FAM120AOS: variants seen among roughly 807,000 people sequenced by gnomAD.
FAM120AOS encodes the protein uncharacterized protein FAM120AOS.
In FAM120AOS, 15 loss-of-function variants were observed where a neutral mutation model predicts 20.2. That is an observed-to-expected ratio of 0.74 (90% CI 0.50 to 1.15). The LOEUF is 1.15. FAM120AOS is among the 50% of genes most tolerant of loss of function. The pLI is 0.00. For missense variants in FAM120AOS, 327 were observed against 351.9 expected, an observed-to-expected ratio of 0.93 and a Z score of 0.57; for synonymous variants, 154 against 154.0, an observed-to-expected ratio of 1.00 and a Z score of 0.00.
At chr9:93,449,059 GT>G (rs141231806) in intron 2 of FAM120AOS, among the ~76,000 whole-genome samples, 54,154 of 142,536 alleles carry the variant, frequency 0.38, 9,895 homozygotes, top group East Asian at 0.53. Context: ...AATAAATAAA[GT>G]TTTTTTTTTT....
In FAM120AOS at chr9:93,446,460, C is replaced by T. The variant is rs754647050; in HGVS notation, c.*1151G>A. ...ACATCTTAAAATGGCTTTATACTTA[C>T]GGGAATTCCTAATTAAAAAAAAAAC... On this transcript the variant is annotated 3_prime_UTR_variant, in exon 3 of 3. Coordinates refer to ENST00000375412, the MANE Select transcript of FAM120AOS (RefSeq NM_198841.4). 6 of 151,810 alleles carry T rather than the reference C, an allele frequency of 4.0e-5. No individual in the cohort carries two copies. Among genetic ancestry groups the T allele is most frequent in the African/African-American group, 9.7e-5 (4 of 41,256 alleles). 9.4% of individuals were successfully genotyped at this position (151,810 alleles called of 1,614,324 possible). A position where few individuals can be genotyped will look rare whatever the true frequency, so the allele number is the denominator to read the frequency against.
chr9:93,451,088 C>G (rs1469865078), intron 1 of FAM120AOS: 19 of 1,550,634 alleles, frequency 1.2e-5, no homozygotes, highest in Non-Finnish European at 1.6e-5. Context: ...GGATGAGCAC[C>G]TGCCGCGGAA....
In FAM120AOS at chr9:93,444,673, G is replaced by A. The variant is rs2131118534; in HGVS notation, c.*2938C>T. On this transcript the variant is annotated 3_prime_UTR_variant, in exon 3 of 3. Coordinates refer to ENST00000375412, the MANE Select transcript of FAM120AOS (RefSeq NM_198841.4). The stretch of plus-strand genomic sequence containing the variant: ...CTTGTTGCCCAGGCTGGAGTGCAAT[G>A]GTGCGATCTCGGCTCACCGCAACCT... 6.6e-6 allele frequency among the ~76,000 whole-genome samples: 1 copy of A among 151,488 alleles called. No individual in the cohort carries two copies. The highest frequency in any genetic ancestry group is 6.6e-5 in the Admixed American group (1 of 15,216).
At chr9:93,451,532 C>T in intron 1 of FAM120AOS, 1 of 991,146 alleles carries the variant, frequency 1.0e-6, no homozygotes, top group Non-Finnish European at 1.2e-6. Context: ...GCCTCCGCCT[C>T]CGCCGCCGCC....
rs1856909952 is a variant in FAM120AOS at position 93,447,800 on chromosome 9, C to G, written c.685-103G>C. The G allele has an allele frequency of 1.4e-5, 13 of 950,098 alleles. 1 individual carries two copies. The South Asian group carries it at 1.9e-4, about 14-fold the overall frequency. The allele number at this position is 950,098 out of a possible 1,614,324, so 58.9% of individuals were successfully genotyped here. ...GAATATTGATCTCTGTGGAGCTCTCCTACCCTCTGCTACTGCTGATAACTC... is the reference window on the plus strand; with the variant it reads ...GAATATTGATCTCTGTGGAGCTCTCGTACCCTCTGCTACTGCTGATAACTC... On this transcript the variant is annotated intron_variant, in intron 2 of 2. Coordinates refer to ENST00000375412, the MANE Select transcript of FAM120AOS (RefSeq NM_198841.4).
rs75092215 is a variant in FAM120AOS at position 93,452,173 on chromosome 9, C to T, written c.537G>A (p.Pro179=). The T allele has an allele frequency of 3.7e-5, 60 of 1,612,054 alleles. No homozygotes were observed. In the African/African-American group the frequency reaches 6.4e-4, roughly 17 times the overall value. Residue 179 remains proline (P), a synonymous_variant, in exon 1 of 3, where the codon CCG becomes CCA. Coordinates refer to ENST00000375412, the MANE Select transcript of FAM120AOS (RefSeq NM_198841.4). This position sits in a 1 kb window ranked among gnomAD's most constrained non-coding sequence, Gnocchi z 7.0. The part of the protein sequence containing the change: ...LKKTKSSMLP[P]KQALASAARN... ...TGGCGGCGCTGGCCAAGGCCTGCTT[C>T]GGCGGCAACATCGAGCTCTTCGTCT...
At chr9:93,449,499 T>TTTTTA (rs994086206) in intron 2 of FAM120AOS, among the ~76,000 whole-genome samples, 8 of 143,560 alleles carry the variant, frequency 5.6e-5, no homozygotes, top group Non-Finnish European at 1.2e-4. Flanking sequence ...GGCATTTTTT[T>TTTTTA]TTTTTTTTTT....
chr9:93,451,110 C>A (rs1328733055), intron 1 of FAM120AOS: 3 of 1,550,486 alleles, frequency 1.9e-6, no homozygotes, highest in Admixed American at 3.9e-5. Flanking sequence ...TGCATTCTCG[C>A]GCTCCTTCCT....
chr9:93,450,975 G>C, intron 1 of FAM120AOS: 1 of 1,481,576 alleles, frequency 6.7e-7, no homozygotes. Flanking sequence ...CTTCCGTGAC[G>C]AGCAGGCGCT....
chr9:93,447,525 G>T lies in FAM120AOS; in HGVS notation c.*86C>A. The stretch of plus-strand genomic sequence containing the variant: ...AACCAGAAGCAGAAGCTGAGGAATG[G>T]TGAATAGAGCATTTTCCCTCACACG... On this transcript the variant is annotated 3_prime_UTR_variant, in exon 3 of 3. Coordinates refer to ENST00000375412, the MANE Select transcript of FAM120AOS (RefSeq NM_198841.4). 1 of 1,193,988 alleles carries T rather than the reference G, an allele frequency of 8.4e-7. No homozygotes were observed. Among genetic ancestry groups the T allele is most frequent in the Non-Finnish European group, 1.2e-6 (1 of 812,054 alleles). 74.0% of individuals were successfully genotyped at this position (1,193,988 alleles called of 1,614,324 possible).
chr9:93,449,588 A>T (rs1856999795), intron 2 of FAM120AOS, among the ~76,000 whole-genome samples: 2 of 143,456 alleles, frequency 1.4e-5, no homozygotes, highest in African/African-American at 5.3e-5. Flanking sequence ...CCCAGGTTCA[A>T]GCAATTCTCC....
chr9:93,447,875 G>A (rs1333678421), intron 2 of FAM120AOS, among the ~76,000 whole-genome samples, 178 bp from the exon 3 acceptor site: 1 of 152,202 alleles, frequency 6.6e-6, no homozygotes, highest in Non-Finnish European at 1.5e-5. Flanking sequence ...CTCAACTGCC[G>A]ATACACGGCT....
chr9:93,451,671 G>T, intron 1 of FAM120AOS: 1 of 973,578 alleles, frequency 1.0e-6, no homozygotes, highest in Non-Finnish European at 1.2e-6. Flanking sequence ...CCGGCCCTCA[G>T]CCTCGGCCTC....
intron 2 of FAM120AOS, among the ~76,000 whole-genome samples, chr9:93,449,314 A>G (rs1294907367): frequency 6.6e-6 from 1 of 152,158 alleles, no homozygotes; most frequent in African/African-American, 2.4e-5. Flanking sequence ...GTTAAGTACT[A>G]TTAATATGTT....
rs769492043 is a variant in FAM120AOS at position 93,452,167 on chromosome 9, C to G, written c.543G>C (p.Gln181His). The change falls in exon 1 of 3, where the codon CAG becomes CAC. Residue 181 changes from glutamine to histidine, a missense_variant. Physicochemically the swap from Gln to His is conservative, Grantham distance 24. Transcript: ENST00000375412. The surrounding 1 kb of genome is among the most constrained non-coding windows in gnomAD (Gnocchi z 7.0). ...GCTACCTGGCGGCGCTGGCCAAGGCCTGCTTCGGCGGCAACATCGAGCTCT... is the reference window on the plus strand; with the variant it reads ...GCTACCTGGCGGCGCTGGCCAAGGCGTGCTTCGGCGGCAACATCGAGCTCT... ...KTKSSMLPPK[Q>H]ALASAARNLC... The G allele has an allele frequency of 1.2e-6, 2 of 1,611,670 alleles. No individual in the cohort carries two copies. Among genetic ancestry groups the G allele is most frequent in the Non-Finnish European group, 1.7e-6 (2 of 1,179,786 alleles).
rs1233515462 is a variant in FAM120AOS, at chr9:93,452,998, T to G, written c.-289A>C. On this transcript the variant is annotated 5_prime_UTR_variant, in exon 1 of 3. Transcript: ENST00000375412. This position sits in a 1 kb window ranked among gnomAD's most constrained non-coding sequence, Gnocchi z 7.0. Reference sequence around the variant, plus strand: ...TCCGTGTTCCTCTTAGTACAGGGTGTTTAGAGAATCTTTCTATGGCTTTTT... The same window carrying G: ...TCCGTGTTCCTCTTAGTACAGGGTGGTTAGAGAATCTTTCTATGGCTTTTT... 1 of 1,266,382 alleles carries G rather than the reference T, an allele frequency of 7.9e-7. No individual in the cohort carries two copies. Among genetic ancestry groups the G allele is most frequent in the African/African-American group, 1.6e-5 (1 of 63,752 alleles). 78.4% of individuals were successfully genotyped at this position (1,266,382 alleles called of 1,614,324 possible).
At chr9:93,450,747 C>T in intron 1 of FAM120AOS, 148 bp from the exon 2 acceptor site, 1 of 1,273,956 alleles carries the variant, frequency 7.8e-7, no homozygotes, top group Non-Finnish European at 1.1e-6. Flanking sequence ...CATACAGTAT[C>T]AACCTCATTT....
chr9:93,449,075 T>C (rs1302986643), intron 2 of FAM120AOS, among the ~76,000 whole-genome samples: 1 of 152,018 alleles, frequency 6.6e-6, no homozygotes, highest in Admixed American at 6.6e-5. Context: ...TTTTTTTTTT[T>C]TTAAAGAACA....
chr9:93,451,887 G>A, intron 1 of FAM120AOS: 3 of 920,952 alleles, frequency 3.3e-6, no homozygotes, highest in South Asian at 4.2e-5. Context: ...CCCCCCGCCC[G>A]CACCCGCGCC....
Sources: allele counts gnomAD v4.1 joint callset (sites outside exome capture counted in the v4.1 genomes callset), GRCh38; gene constraint gnomAD v4.1.1; non-coding constraint Gnocchi (gnomAD v3.1); transcripts MANE v1.5; gene names NCBI Gene and HGNC (gene_info 2026-07-23, HGNC 2026-07-21).